Variants in PTPRN observed in about 807,000 individuals in gnomAD.
PTPRN encodes the protein protein tyrosine phosphatase receptor type N, also known as receptor-type tyrosine-protein phosphatase-like N.
A neutral mutation model predicts 108.5 loss-of-function variants in PTPRN; 70 were observed. The ratio of observed to expected loss-of-function variants is 0.65; its 90% confidence interval spans 0.53 to 0.79. The LOEUF (loss-of-function observed/expected upper bound fraction) is 0.79. Among genes scored for constraint, PTPRN ranks in the 30% least tolerant of loss-of-function variants. PTPRN has a pLI of 0.00. For synonymous variants in PTPRN, 496 were observed against 524.6 expected, an observed-to-expected ratio of 0.95 and a Z score of 0.75; for missense variants, 1,136 against 1,295.5, an observed-to-expected ratio of 0.88 and a Z score of 1.89.
chr2:219,299,293 A>G lies in PTPRN; in HGVS notation c.1603+12T>C, dbSNP rs777375376. On this transcript the variant is annotated intron_variant, in intron 11 of 22. Transcript: ENST00000295718. Reference sequence around the variant, plus strand: ...GGGCCAAGCCTGGGATTGAGGTCGCAGAGATATTTACCTGCTTGTTGGGTC... The same window carrying G: ...GGGCCAAGCCTGGGATTGAGGTCGCGGAGATATTTACCTGCTTGTTGGGTC... 17 of 1,613,674 alleles carry G rather than the reference A, an allele frequency of 1.1e-5. No individual in the cohort carries two copies. In the South Asian group the frequency reaches 1.5e-4, roughly 15 times the overall value.
rs775284611 is a variant in PTPRN at position 219,296,374 on chromosome 2, C to T, written c.2389-29G>A. ...GGGACAGAGACCCAGTTGAGCTCCA[C>T]TCTAACCTCCCTGGGACCTCGTGGC... On this transcript the variant is annotated intron_variant, in intron 17 of 22. Transcript: ENST00000295718. This position sits in a 1 kb window ranked among gnomAD's most constrained non-coding sequence, Gnocchi z 6.0. 22 of 1,614,060 alleles carry T rather than the reference C, an allele frequency of 1.4e-5. No individual in the cohort carries two copies. The South Asian group carries it at 2.3e-4, about 17-fold the overall frequency.
intron 12 of PTPRN, 76 bp from the exon 13 acceptor site, chr2:219,298,179 T>G: frequency 7.1e-7 from 1 of 1,411,350 alleles, no homozygotes. Flanking sequence ...CCCGGTCCCA[T>G]GCCACACCCC....
At position 219,296,772 on chromosome 2, in the gene PTPRN, C is replaced by T. The variant is rs748799144; in HGVS notation, c.2287G>A (p.Asp763Asn). Residue 763 changes from aspartate to asparagine, a missense_variant, in exon 16 of 23, where the codon GAT becomes AAT. Transcript: ENST00000295718. The surrounding 1 kb of genome is among the most constrained non-coding windows in gnomAD (Gnocchi z 6.0). ...LKVESSPSRS[D>N]YINASPIIEH... Reference sequence around the variant, plus strand: ...ACAATGGGGCTGGCGTTGATGTAATCGCTCCGAGAAGGGCTGCTCTCCACC... The same window carrying T: ...ACAATGGGGCTGGCGTTGATGTAATTGCTCCGAGAAGGGCTGCTCTCCACC... 9.9e-6 allele frequency: 16 copies of T among 1,613,818 alleles called. No homozygotes were observed. The highest frequency in any genetic ancestry group is 2.7e-5 in the African/African-American group (2 of 74,856).
rs201245260 is a variant in PTPRN, at chr2:219,299,817, G to T, written c.1437-31C>A. On this transcript the variant is annotated intron_variant, in intron 9 of 22. Coordinates refer to ENST00000295718, the MANE Select transcript of PTPRN (RefSeq NM_002846.4). ...GATGGGAGAAGGCAGAGGAAGGAAA[G>T]TGGGGCAACCCTCTCAGTCACTTTC... 6.9e-5 allele frequency: 109 copies of T among 1,583,146 alleles called. No individual in the cohort carries two copies. In the East Asian group the frequency reaches 2.4e-3, roughly 35 times the overall value.
chr2:219,296,899 C>T lies in PTPRN; in HGVS notation c.2237-77G>A. The T allele has an allele frequency of 6.2e-7, 1 of 1,612,494 alleles. No homozygotes were observed. Among genetic ancestry groups the T allele is most frequent in the South Asian group, 1.1e-5 (1 of 90,934 alleles). On this transcript the variant is annotated intron_variant, in intron 15 of 22. Coordinates refer to ENST00000295718, the MANE Select transcript of PTPRN (RefSeq NM_002846.4). The surrounding 1 kb of genome is among the most constrained non-coding windows in gnomAD (Gnocchi z 6.0). ...CGGGACCTCTGCCACTCAGCCTGAG[C>T]CAGAAGCCCAACCCCTTACCCCAAG...
intron 19 of PTPRN, 68 bp downstream of exon 19, chr2:219,294,907 A>C (rs1455310253): frequency 7.3e-7 from 1 of 1,360,652 alleles, no homozygotes; most frequent in African/African-American, 1.6e-5. Flanking sequence ...CTCCAGGCCG[A>C]GCGGCGGGCG....
Position 219,296,463 on chromosome 2 carries a change from G to C in PTPRN, c.2364C>G (p.Ser788=). 1 of 1,614,188 alleles carries C rather than the reference G, an allele frequency of 6.2e-7. No homozygotes were observed. The highest frequency in any genetic ancestry group is 8.5e-7 in the Non-Finnish European group (1 of 1,180,026). ...CCTGCCAGAAGTCTGCGATGGTATG[G>C]GACAGCGGGCCCTGCGTGGCTATGT... ...PAYIATQGPL[S]HTIADFWQMV... is the part of the protein sequence containing the mutation. Residue 788 remains serine (S), a synonymous_variant, in exon 17 of 23, where the codon TCC becomes TCG. Transcript: ENST00000295718. This position sits in a 1 kb window ranked among gnomAD's most constrained non-coding sequence, Gnocchi z 6.0.
rs1952056821 is a variant in PTPRN at position 219,291,607 on chromosome 2, T to C, written c.2676-84A>G. The C allele has an allele frequency of 4.5e-6, 6 of 1,346,956 alleles. No homozygotes were observed. The Admixed American group carries it at 1.1e-4, about 24-fold the overall frequency. The allele number at this position is 1,346,956 out of a possible 1,614,324, so 83.4% of individuals were successfully genotyped here. On this transcript the variant is annotated intron_variant, in intron 19 of 22. Transcript: ENST00000295718. ...TGAAACACATGACGTGGGCCTCTCT[T>C]TCTTCCTTTTCTCCCCACCTGCCCG...
In PTPRN at chr2:219,290,061, G is replaced by A. The variant is rs536735766; in HGVS notation, c.*165C>T. 9.5e-4 allele frequency: 630 copies of A among 664,410 alleles called. 2 individuals are homozygous for A. The highest frequency in any genetic ancestry group is 1.1e-3 in the Non-Finnish European group (399 of 378,100). 41.2% of individuals were successfully genotyped at this position (664,410 alleles called of 1,614,324 possible). A position where few individuals can be genotyped will look rare whatever the true frequency, so the allele number is the denominator to read the frequency against. On this transcript the variant is annotated 3_prime_UTR_variant, in exon 23 of 23. Transcript: ENST00000295718. The surrounding 1 kb of genome is among the most constrained non-coding windows in gnomAD (Gnocchi z 4.2). ...GATGCCCCAGGCTCTGGCATGCGAGGCTGGGCAGGCGTGCCCCTTCTGGCT... is the reference window on the plus strand; with the variant it reads ...GATGCCCCAGGCTCTGGCATGCGAGACTGGGCAGGCGTGCCCCTTCTGGCT...
chr2:219,290,716 C>A lies in PTPRN; in HGVS notation c.2795-105G>T. ...AGGCAAAGAGCCTTGGAGGGCTGGGCAGAGCCTGGAGGTTGACAACCTGCT... is the reference window on the plus strand; with the variant it reads ...AGGCAAAGAGCCTTGGAGGGCTGGGAAGAGCCTGGAGGTTGACAACCTGCT... On this transcript the variant is annotated intron_variant, in intron 21 of 22. Transcript: ENST00000295718. This position sits in a 1 kb window ranked among gnomAD's most constrained non-coding sequence, Gnocchi z 4.2. 1.3e-6 allele frequency: 2 copies of A among 1,495,720 alleles called. No homozygotes were observed. The highest frequency in any genetic ancestry group is 1.9e-6 in the Non-Finnish European group (2 of 1,080,692). The allele number at this position is 1,495,720 out of a possible 1,614,324, so 92.7% of individuals were successfully genotyped here. A position where few individuals can be genotyped will look rare whatever the true frequency, so the allele number is the denominator to read the frequency against.
intron 8 of PTPRN, 128 bp from the exon 9 acceptor site, chr2:219,300,387 T>C: frequency 1.0e-6 from 1 of 984,252 alleles, no homozygotes; most frequent in Non-Finnish European, 1.4e-6. Context: ...ACCACTGCAG[T>C]GCTGGGTACA....
intron 20 of PTPRN, 27 bp downstream of exon 20, chr2:219,291,443 A>G (rs1952052123): frequency 2.5e-6 from 4 of 1,610,208 alleles, no homozygotes; most frequent in Non-Finnish European, 2.6e-6. Flanking sequence ...GAGTGGGACC[A>G]GAGAGATGAA....
chr2:219,305,245 A>ATT lies in PTPRN; in HGVS notation c.281-1416_281-1415dup, dbSNP rs201878055. Among the ~76,000 whole-genome samples, 121 of 136,336 alleles carry ATT rather than the reference A, an allele frequency of 8.9e-4. 3 individuals are homozygous for ATT. The highest frequency in any genetic ancestry group is 7.5e-4 in the African/African-American group (28 of 37,170). 89.4% of individuals were successfully genotyped at this position (136,336 alleles called of 152,430 possible). On this transcript the variant is annotated intron_variant, in intron 3 of 22. Coordinates refer to ENST00000295718, the MANE Select transcript of PTPRN (RefSeq NM_002846.4). The stretch of plus-strand genomic sequence containing the variant: ...GGTTCCTCTCTTTATCCTGGTCCTC[A>ATT]TTTTTTTTTTTTTTTGAGATGGAGT...
intron 10 of PTPRN, 78 bp downstream of exon 10, chr2:219,299,622 G>A (rs966216751): frequency 4.3e-6 from 6 of 1,390,628 alleles, no homozygotes; most frequent in African/African-American, 1.4e-5. Flanking sequence ...TCTTCCTCCC[G>A]CAGGCCCCTC....
chr2:219,296,524 CAGGG>C lies in PTPRN; in HGVS notation c.2311-12_2311-9del. 6.2e-7 allele frequency: 1 copy of C among 1,613,866 alleles called. No homozygotes were observed. The highest frequency in any genetic ancestry group is 8.5e-7 in the Non-Finnish European group (1 of 1,179,950). ...CCGAGGGTCATGCTCAATCTGGAGG[CAGGG>C]AAGATACACCATGAGCCAGTGTGGG... On this transcript the variant is annotated splice_polypyrimidine_tract_variant and intron_variant, in intron 16 of 22. Transcript: ENST00000295718. This position sits in a 1 kb window ranked among gnomAD's most constrained non-coding sequence, Gnocchi z 6.0.
intron 1 of PTPRN, 166 bp downstream of exon 1, chr2:219,309,052 C>G (rs1400428787): frequency 1.3e-6 from 2 of 1,536,964 alleles, no homozygotes; most frequent in South Asian, 1.2e-5. Flanking sequence ...GGCCTACGCC[C>G]CTTTCCTCCG....
rs955344946 is a variant in PTPRN, at chr2:219,290,293, T to A, written c.2873A>T (p.Gln958Leu). 3.1e-6 allele frequency: 5 copies of A among 1,611,644 alleles called. No homozygotes were observed. In the African/African-American group the frequency reaches 4.0e-5, roughly 13 times the overall value. Residue 958 changes from glutamine (Q) to leucine (L), a missense_variant, in exon 23 of 23, where the codon CAG becomes CTG. Gln to Leu is a moderately radical substitution (Grantham distance 113). Coordinates refer to ENST00000295718, the MANE Select transcript of PTPRN (RefSeq NM_002846.4). The surrounding 1 kb of genome is among the most constrained non-coding windows in gnomAD (Gnocchi z 4.2). ...QRPGLVRSKD[Q>L]FEFALTAVAE... ...CACGGCTGTCAGGGCAAATTCAAAC[T>A]GGTCCTGAGGAAGGGCAGTGGTAGG...
rs1158550596 is a variant in PTPRN, at chr2:219,296,516, T to G, written c.2311A>C (p.Ile771Leu). 6.2e-7 allele frequency: 1 copy of G among 1,613,936 alleles called. No individual in the cohort carries two copies. Among genetic ancestry groups the G allele is most frequent in the Non-Finnish European group, 8.5e-7 (1 of 1,179,966 alleles). ...GCTGGCATCCGAGGGTCATGCTCAA[T>G]CTGGAGGCAGGGAAGATACACCATG... ...RSDYINASPI[I>L]EHDPRMPAYI... The change falls in exon 17 of 23, where the codon ATT becomes CTT. Residue 771 changes from isoleucine to leucine, a missense_variant and splice_region_variant. Physicochemically the swap from Ile to Leu is conservative, Grantham distance 5. Transcript: ENST00000295718. This position sits in a 1 kb window ranked among gnomAD's most constrained non-coding sequence, Gnocchi z 6.0.
chr2:219,296,304 G>A lies in PTPRN; in HGVS notation c.2430C>T (p.Thr810=), dbSNP rs1292730810. 1 of 1,614,008 alleles carries A rather than the reference G, an allele frequency of 6.2e-7. No individual in the cohort carries two copies. Among genetic ancestry groups the A allele is most frequent in the Non-Finnish European group, 8.5e-7 (1 of 1,180,010 alleles). The change falls in exon 18 of 23, where the codon ACC becomes ACT. Residue 810 remains threonine, a synonymous_variant. Coordinates refer to ENST00000295718, the MANE Select transcript of PTPRN (RefSeq NM_002846.4). This position sits in a 1 kb window ranked among gnomAD's most constrained non-coding sequence, Gnocchi z 6.0. ...GCTTGACACCATCCTCCACCAGCGG[G>A]GTCAGCATGACGATGACGGTGCAGC... The part of the protein sequence containing the change: ...ESGCTVIVML[T]PLVEDGVKQC...
Sources: gnomAD v4.1 joint callset for allele counts (sites outside exome capture counted in the v4.1 genomes callset) on GRCh38, gnomAD v4.1.1 for gene constraint, Gnocchi (gnomAD v3.1) non-coding constraint, MANE v1.5 for transcripts, NCBI Gene and HGNC (gene_info 2026-07-23, HGNC 2026-07-21) for gene names.